The following GLIS3 variants were observed in gnomAD, a reference collection of about 807,000 sequenced individuals.
GLIS3 encodes GLIS family zinc finger 3.
In GLIS3, 53 loss-of-function variants were observed where a neutral mutation model predicts 78.6. The ratio of observed to expected loss-of-function variants is 0.67; its 90% confidence interval spans 0.54 to 0.85. The LOEUF is 0.85. Ranked by LOEUF, GLIS3 falls within the 40% of genes least tolerant of loss-of-function variation. GLIS3 has a pLI of 0.00. For missense variants in GLIS3, 1,703 were observed against 1,231.1 expected, an observed-to-expected ratio of 1.38 and a Z score of -5.74; for synonymous variants, 684 against 509.9, an observed-to-expected ratio of 1.34 and a Z score of -4.60.
At chr9:4,276,140 G>C (rs1026443475) in intron 2 of GLIS3, among the ~76,000 whole-genome samples, 1 of 150,544 alleles carries the variant, frequency 6.6e-6, no homozygotes, top group Admixed American at 6.6e-5. Flanking sequence ...ACAGAAATTA[G>C]CCGGTGGTGA....
chr9:3,882,503 G>T (rs1162537277), intron 7 of GLIS3, among the ~76,000 whole-genome samples: 1 of 152,058 alleles, frequency 6.6e-6, no homozygotes, highest in Admixed American at 6.5e-5. Flanking sequence ...ATTAGCAAAG[G>T]CCACTAGAAA....
chr9:4,166,136 G>C (rs559881697), intron 2 of GLIS3, among the ~76,000 whole-genome samples: 3 of 152,184 alleles, frequency 2.0e-5, no homozygotes, highest in Non-Finnish European at 4.4e-5. Context: ...GAAAACAATG[G>C]CACATCACAT....
chr9:4,488,253 C>A, the GLIS3 span, among the ~76,000 whole-genome samples: 1 of 151,958 alleles, frequency 6.6e-6, no homozygotes, highest in African/African-American at 2.4e-5. Flanking sequence ...CTGCACCTGG[C>A]CAATATGTTT....
chr9:4,432,606 T>C, the GLIS3 span, among the ~76,000 whole-genome samples: 1 of 151,992 alleles, frequency 6.6e-6, no homozygotes, highest in Admixed American at 6.6e-5. Flanking sequence ...GTAAATTCAT[T>C]GTTTGAAAAA....
intron 4 of GLIS3, among the ~76,000 whole-genome samples, chr9:4,047,298 G>C (rs1000949161): frequency 6.6e-6 from 1 of 152,128 alleles, no homozygotes; most frequent in African/African-American, 2.4e-5. Context: ...TGCAGAACGT[G>C]AGTCAATTAA....
chr9:4,391,895 ACTGGG>A, the GLIS3 span, among the ~76,000 whole-genome samples: 1 of 152,240 alleles, frequency 6.6e-6, no homozygotes, highest in South Asian at 2.1e-4. Flanking sequence ...CAATCCCATT[ACTGGG>A]TATATACCCA....
At chr9:3,928,767 G>A (rs1050906486) in intron 6 of GLIS3, among the ~76,000 whole-genome samples, 1 of 152,150 alleles carries the variant, frequency 6.6e-6, no homozygotes, top group African/African-American at 2.4e-5. Flanking sequence ...AAAAGTGAAA[G>A]CCATCAGCCA....
At chr9:4,075,099 CACA>C (rs375933719) in intron 4 of GLIS3, among the ~76,000 whole-genome samples, 2,269 of 42,964 alleles carry the variant, frequency 0.053, 61 homozygotes, top group African/African-American at 0.3. Flanking sequence ...TGAACAACAA[CACA>C]ACAACAACAA....
intron 2 of GLIS3, among the ~76,000 whole-genome samples, chr9:4,133,824 C>CA (rs1586765479): frequency 9.2e-6 from 1 of 108,790 alleles, no homozygotes. Context: ...CCAAGACCTT[C>CA]TACACACACA....
At chr9:4,389,889 G>C in the GLIS3 span, among the ~76,000 whole-genome samples, 4 of 152,228 alleles carry the variant, frequency 2.6e-5, no homozygotes, top group Non-Finnish European at 5.9e-5. Context: ...TCGACATCAA[G>C]AATCTGTGGC....
At chr9:4,475,088 G>T in the GLIS3 span, among the ~76,000 whole-genome samples, 3 of 147,528 alleles carry the variant, frequency 2.0e-5, no homozygotes, top group South Asian at 2.1e-4. Flanking sequence ...CTGCCTCCTG[G>T]GTTCAGGTGA....
chr9:4,285,912 T>C (rs2130338932), intron 2 of GLIS3, 126 bp downstream of exon 2: 1 of 1,171,264 alleles, frequency 8.5e-7, no homozygotes, highest in Non-Finnish European at 1.3e-6. Context: ...TATATCATTA[T>C]GAGACCATCA....
At chr9:4,152,025 G>T in intron 2 of GLIS3, 1 of 392,986 alleles carries the variant, frequency 2.5e-6, no homozygotes, top group Non-Finnish European at 3.5e-6. Flanking sequence ...GGTCTTGTAT[G>T]AAAAAACCAG....
the GLIS3 span, among the ~76,000 whole-genome samples, chr9:4,379,109 C>A: frequency 6.6e-6 from 1 of 152,172 alleles, no homozygotes; most frequent in Admixed American, 6.5e-5. Context: ...TCCATCCCAC[C>A]ACCACTGGAC....
intron 8 of GLIS3, among the ~76,000 whole-genome samples, chr9:3,865,591 C>T (rs1303539394): frequency 6.6e-6 from 1 of 152,216 alleles, no homozygotes; most frequent in Non-Finnish European, 1.5e-5. Flanking sequence ...ATTGTTGCTT[C>T]ATGCTATTGT....
intron 2 of GLIS3, among the ~76,000 whole-genome samples, chr9:4,179,671 A>G (rs914323621): frequency 3.9e-5 from 6 of 152,144 alleles, no homozygotes; most frequent in Admixed American, 6.5e-5. Context: ...GCACTTTGGG[A>G]GGCTGAGGCA....
In GLIS3 at chr9:4,161,063, G is replaced by C. The variant is rs566328553; in HGVS notation, c.389-35122C>G. On this transcript the variant is annotated intron_variant, in intron 2 of 10. Coordinates refer to ENST00000381971, the MANE Select transcript of GLIS3 (RefSeq NM_001042413.2). ...GTTCGAAATCAGCCTGGGAAATGTA[G>C]TGAGACCCCATCTCTTAAAAAAAAA... Among the ~76,000 whole-genome samples, 277 of 142,764 alleles carry C rather than the reference G, an allele frequency of 1.9e-3. 1 individual carries two copies. Among genetic ancestry groups the C allele is most frequent in the African/African-American group, 6.7e-3 (261 of 39,188 alleles). The allele number at this position is 142,764 out of a possible 152,430, so 93.7% of individuals were successfully genotyped here. A position where few individuals can be genotyped will look rare whatever the true frequency, so the allele number is the denominator to read the frequency against.
chr9:4,168,295 C>G (rs1027440666), intron 2 of GLIS3, among the ~76,000 whole-genome samples: 24 of 152,034 alleles, frequency 1.6e-4, no homozygotes, highest in Non-Finnish European at 5.9e-5. Context: ...GGTTTTTTTC[C>G]TAATTATACA....
At chr9:4,244,107 G>A (rs1344193636) in intron 2 of GLIS3, among the ~76,000 whole-genome samples, 1 of 152,038 alleles carries the variant, frequency 6.6e-6, no homozygotes, top group Non-Finnish European at 1.5e-5. Flanking sequence ...AACATTCCAA[G>A]CCTTCCATAA....
Sources: allele counts gnomAD v4.1 joint callset (sites outside exome capture counted in the v4.1 genomes callset), GRCh38; gene constraint gnomAD v4.1.1; transcripts MANE v1.5; gene names NCBI Gene and HGNC (gene_info 2026-07-23, HGNC 2026-07-21).